Variants in NEGR1 observed in about 807,000 individuals in gnomAD.
The protein encoded by NEGR1 is neuronal growth regulator 1.
In NEGR1, 10 loss-of-function variants were observed where a neutral mutation model predicts 40.9. The ratio of observed to expected loss-of-function variants is 0.24; its 90% confidence interval spans 0.15 to 0.42. The LOEUF is 0.42. Ranked by LOEUF, NEGR1 falls within the 10% of genes least tolerant of loss-of-function variation. The probability of loss-of-function intolerance (pLI) is 1.00; values close to 1 mark genes in which losing one functional copy is unlikely to be tolerated. For synonymous variants in NEGR1, 185 were observed against 166.8 expected (o/e 1.11, Z -0.84); for missense variants, 352 against 438.9 (o/e 0.80, Z 1.77).
chr1:71,947,007 G>A (rs1366787801), intron 1 of NEGR1, among the ~76,000 whole-genome samples: 1 of 150,338 alleles, frequency 6.7e-6, no homozygotes. Context: ...CTTGAGTCTT[G>A]AGTCTGGGAG....
intron 1 of NEGR1, among the ~76,000 whole-genome samples, chr1:72,175,213 A>G (rs983101960): frequency 6.6e-6 from 1 of 152,250 alleles, no homozygotes; most frequent in Non-Finnish European, 1.5e-5. Context: ...TCTTTTAAAT[A>G]TAACAGATCA....
chr1:72,207,087 A>G (rs992915593), intron 1 of NEGR1, among the ~76,000 whole-genome samples: 3 of 151,358 alleles, frequency 2.0e-5, no homozygotes, highest in Admixed American at 2.0e-4. Context: ...AAAAAAAAAA[A>G]GCACTGAATG....
chr1:71,589,482 A>G (rs1468439090), intron 6 of NEGR1, among the ~76,000 whole-genome samples: 2 of 152,112 alleles, frequency 1.3e-5, no homozygotes, highest in African/African-American at 4.8e-5. Flanking sequence ...CCAGCTACCT[A>G]TTAGACATTG....
intron 3 of NEGR1, among the ~76,000 whole-genome samples, chr1:71,699,529 T>C (rs1271863000): frequency 3.3e-5 from 5 of 151,906 alleles, no homozygotes; most frequent in African/African-American, 9.7e-5. Flanking sequence ...TAAATGTGTC[T>C]GTAAAACCTA....
At chr1:71,988,100 C>T (rs541514319) in intron 1 of NEGR1, among the ~76,000 whole-genome samples, 1 of 152,318 alleles carries the variant, frequency 6.6e-6, no homozygotes, top group African/African-American at 2.4e-5. Context: ...CTATTAACAG[C>T]AAGAAGAGGT....
chr1:72,183,901 T>C (rs187901113), intron 1 of NEGR1, among the ~76,000 whole-genome samples: 2 of 152,088 alleles, frequency 1.3e-5, no homozygotes, highest in South Asian at 2.1e-4. Flanking sequence ...AAAATACTGA[T>C]GGGAAAGCAG....
chr1:71,881,596 TTTGCTCAA>T (rs1250765933), intron 2 of NEGR1, among the ~76,000 whole-genome samples: 3 of 152,074 alleles, frequency 2.0e-5, no homozygotes, highest in African/African-American at 7.2e-5. Context: ...GCAAGGTACA[TTTGCTCAA>T]TTTGTTTTCA....
intron 3 of NEGR1, among the ~76,000 whole-genome samples, chr1:71,708,030 T>C (rs1215883866): frequency 1.3e-5 from 2 of 152,048 alleles, no homozygotes; most frequent in Admixed American, 6.5e-5. Context: ...CAAAAAAGGA[T>C]TGCTACAAAT....
At position 72,272,466 on chromosome 1, in the gene NEGR1, CTT is replaced by C. The variant is rs371043584; in HGVS notation, c.176+9851_176+9852del. 2.8e-4 allele frequency among the ~76,000 whole-genome samples: 43 copies of C among 151,756 alleles called. 1 individual carries two copies. Among genetic ancestry groups the C allele is most frequent in the African/African-American group, 1.0e-3 (43 of 41,368 alleles). On this transcript the variant is annotated intron_variant, in intron 1 of 6. Transcript: ENST00000357731. ...TATTCTATTTATTAAATTAGAAAAACTTTATGATCTGTTTATTAGATACCCTT... is the reference window on the plus strand; with the variant it reads ...TATTCTATTTATTAAATTAGAAAAACTATGATCTGTTTATTAGATACCCTT...
chr1:71,990,080 C>A (rs1240474276), intron 1 of NEGR1, among the ~76,000 whole-genome samples: 1 of 152,100 alleles, frequency 6.6e-6, no homozygotes, highest in African/African-American at 2.4e-5. Context: ...GTATAAAATA[C>A]TTTTATTATC....
chr1:71,703,376 C>T (rs1181739639), intron 3 of NEGR1: 3 of 151,208 alleles, frequency 2.0e-5, no homozygotes, highest in Non-Finnish European at 4.4e-5. Context: ...AAAATCTAAA[C>T]ACTTAACAAC....
At chr1:71,933,919 A>G (rs777558334) in intron 2 of NEGR1, among the ~76,000 whole-genome samples, 1 of 152,108 alleles carries the variant, frequency 6.6e-6, no homozygotes, top group Non-Finnish European at 1.5e-5. Flanking sequence ...CCTTTACATA[A>G]GGAAATAAAG....
intron 6 of NEGR1, chr1:71,421,535 A>G (rs12755736): frequency 1.3e-5 from 2 of 152,126 alleles, no homozygotes; most frequent in African/African-American, 2.4e-5. Context: ...ACTTCCTAGC[A>G]CACTAGTATC....
intron 3 of NEGR1, among the ~76,000 whole-genome samples, chr1:71,699,560 AC>A (rs1419708633): frequency 6.6e-6 from 1 of 151,960 alleles, no homozygotes; most frequent in Admixed American, 6.6e-5. Context: ...TATTAAAAAA[AC>A]AAAACACTTC....
intron 1 of NEGR1, among the ~76,000 whole-genome samples, chr1:72,281,625 AAGAG>A (rs1283424027): frequency 6.6e-6 from 1 of 152,062 alleles, no homozygotes; most frequent in Non-Finnish European, 1.5e-5. Context: ...AAAAGGGTAA[AAGAG>A]AGGAGGAAAG....
chr1:71,537,119 A>G (rs913860237), intron 6 of NEGR1, among the ~76,000 whole-genome samples: 1 of 151,720 alleles, frequency 6.6e-6, no homozygotes, highest in East Asian at 2.0e-4. Flanking sequence ...TGTAACAAAC[A>G]CAGTCCTAAA....
chr1:71,667,350 A>C lies in NEGR1; in HGVS notation c.667+30658T>G, dbSNP rs143814225. On this transcript the variant is annotated intron_variant, in intron 4 of 6. Coordinates refer to ENST00000357731, the MANE Select transcript of NEGR1 (RefSeq NM_173808.3). ...GGTAATGAATTAAGCTCTTCTGTGC[A>C]ATTATGCAATAAAACCAAGGTCTGT... Among the ~76,000 whole-genome samples the C allele has an allele frequency of 9.8e-5, 15 of 152,308 alleles. No individual in the cohort carries two copies. In the East Asian group the frequency reaches 2.9e-3, roughly 29 times the overall value.
In NEGR1 at chr1:71,407,451, G is replaced by A; in HGVS notation, c.1060C>T (p.Gln354Ter). The A allele has an allele frequency of 6.2e-7, 1 of 1,611,826 alleles. No homozygotes were observed. Among genetic ancestry groups the A allele is most frequent in the Non-Finnish European group, 8.5e-7 (1 of 1,178,418 alleles). ...SIFYLKNAIL[Q>*] ...CCTTTTATGGGTCTTTGAATTTATT[G>A]TAGAATGGCATTCTTCAGGTAGAAT... Residue 354 changes from glutamine (Q) to a stop codon, truncating the protein, a stop_gained, in exon 7 of 7, where the codon CAA becomes TAA. Coordinates refer to ENST00000357731, the MANE Select transcript of NEGR1 (RefSeq NM_173808.3). LOFTEE classifies it high-confidence loss of function.
At chr1:71,991,576 C>T (rs753441601) in intron 1 of NEGR1, among the ~76,000 whole-genome samples, 5 of 152,118 alleles carry the variant, frequency 3.3e-5, no homozygotes, top group Non-Finnish European at 7.4e-5. Context: ...TGGAAAGACT[C>T]GTGATCTCTG....
Sources: gnomAD v4.1 joint callset for allele counts (sites outside exome capture counted in the v4.1 genomes callset) on GRCh38, gnomAD v4.1.1 for gene constraint, MANE v1.5 for transcripts, NCBI Gene and HGNC (gene_info 2026-07-23, HGNC 2026-07-21) for gene names.